The following PLEKHG6 variants were observed in gnomAD, a reference collection of about 807,000 sequenced individuals.
PLEKHG6 encodes pleckstrin homology and RhoGEF domain containing G6.
PLEKHG6 carries 91 observed loss-of-function variants against 97.5 expected under a neutral mutation model. The observed-to-expected ratio is 0.93, with a 90% CI of 0.79 to 1.11. PLEKHG6 has a LOEUF of 1.11. Ranked by LOEUF, PLEKHG6 falls within the 50% of genes most tolerant of loss-of-function variation. The probability of loss-of-function intolerance (pLI) is 0.00; values close to 1 mark genes in which losing one functional copy is unlikely to be tolerated. For missense variants in PLEKHG6, 1,044 were observed against 1,031.0 expected (o/e 1.01, Z -0.17); for synonymous variants, 466 against 425.5 (o/e 1.10, Z -1.17).
At chr12:6,325,281 G>T (rs1275065241) in intron 13 of PLEKHG6, among the ~76,000 whole-genome samples, 3 of 151,714 alleles carry the variant, frequency 2.0e-5, no homozygotes, top group Non-Finnish European at 2.9e-5. Context: ...CAAAGAGCAA[G>T]GCCCTGTCCC....
In PLEKHG6 at chr12:6,317,535, C is replaced by T. The variant is rs373569197; in HGVS notation, c.868-12C>T. 12 of 1,612,908 alleles carry T rather than the reference C, an allele frequency of 7.4e-6. No individual in the cohort carries two copies. Among genetic ancestry groups the T allele is most frequent in the Non-Finnish European group, 1.0e-5 (12 of 1,179,584 alleles). ...GGGAGCAAACCCTGAGCCCCACCCA[C>T]CTTCCCTGCAGTGGTGTGAGAAGCA... On this transcript the variant is annotated splice_polypyrimidine_tract_variant and intron_variant, in intron 8 of 15. Coordinates refer to ENST00000684764, the MANE Select transcript of PLEKHG6 (RefSeq NM_001384598.1).
rs140783794 is a variant in PLEKHG6 at position 6,312,248 on chromosome 12, C to T, written c.22C>T (p.His8Tyr). The change falls in exon 2 of 16, where the codon CAT becomes TAT. Residue 8 changes from histidine to tyrosine, a missense_variant. By Grantham distance (83) the His-to-Tyr change is moderately conservative. Transcript: ENST00000684764. ...AGGGATGAAGGCCTTTGGTCCTCCA[C>T]ATGAGGGCCCCCTCCAAGGACTCGT... is the stretch of plus-strand genomic sequence containing the variant. MKAFGPP[H>Y]EGPLQGLVAS... 833 of 1,534,064 alleles carry T rather than the reference C, an allele frequency of 5.4e-4. 5 individuals are homozygous for T. In the African/African-American group the frequency reaches 0.01, roughly 18 times the overall value.
At position 6,312,350 on chromosome 12, in the gene PLEKHG6, G is replaced by A; in HGVS notation, c.124G>A (p.Gly42Arg). The A allele has an allele frequency of 6.3e-7, 1 of 1,585,822 alleles. No individual in the cohort carries two copies. The highest frequency in any genetic ancestry group is 8.6e-7 in the Non-Finnish European group (1 of 1,168,592). ...CACTGCTGGCAGACTCTATCCCCGA[G>A]GATACCCTGTGCTGGTGAGTCCAGG... ...QSTAGRLYPR[G>R]YPVLDPSRRR... The change falls in exon 2 of 16, where the codon GGA (glycine) becomes AGA (arginine). Residue 42 changes from glycine to arginine, a missense_variant. Gly to Arg is a moderately radical substitution (Grantham distance 125). Coordinates refer to ENST00000684764, the MANE Select transcript of PLEKHG6 (RefSeq NM_001384598.1).
At position 6,327,615 on chromosome 12, in the gene PLEKHG6, G is replaced by T; in HGVS notation, c.2032G>T (p.Gly678Trp). Residue 678 changes from glycine to tryptophan, a missense_variant, in exon 15 of 16, where the codon GGG becomes TGG. Transcript: ENST00000684764. ...SEEEDGASERGNVVVETLHRA... is the reference protein window; with the variant it reads ...SEEEDGASERWNVVVETLHRA... ...GGAAGAAGATGGGGCCTCCGAGCGAGGGAATGTGGTGGTGGAAACACTCCA... is the reference window on the plus strand; with the variant it reads ...GGAAGAAGATGGGGCCTCCGAGCGATGGAATGTGGTGGTGGAAACACTCCA... 1 of 1,579,182 alleles carries T rather than the reference G, an allele frequency of 6.3e-7. No individual in the cohort carries two copies. Among genetic ancestry groups the T allele is most frequent in the East Asian group, 2.4e-5 (1 of 42,494 alleles).
rs1401941086 is a variant in PLEKHG6, at chr12:6,319,058, C to A, written c.1474C>A (p.Pro492Thr). Reference sequence around the variant, plus strand: ...CTCCAGCGCCCTCCTTGTGCACTGTCCCAGTCCTACAGACCGTGCCCAGTG... The same window carrying A: ...CTCCAGCGCCCTCCTTGTGCACTGTACCAGTCCTACAGACCGTGCCCAGTG... ...CVSSALLVHC[P>T]SPTDRAQWLE... The change falls in exon 13 of 16, where the codon CCC becomes ACC. Residue 492 changes from proline (P) to threonine (T), a missense_variant. Pro to Thr is a conservative substitution (Grantham distance 38). Coordinates refer to ENST00000684764, the MANE Select transcript of PLEKHG6 (RefSeq NM_001384598.1). 2 of 1,613,468 alleles carry A rather than the reference C, an allele frequency of 1.2e-6. No individual in the cohort carries two copies. Among genetic ancestry groups the A allele is most frequent in the South Asian group, 2.2e-5 (2 of 91,018 alleles).
chr12:6,317,721 C>T (rs1240788727), intron 9 of PLEKHG6, 25 bp downstream of exon 9: 1 of 1,611,280 alleles, frequency 6.2e-7, no homozygotes, highest in Non-Finnish European at 8.5e-7. Context: ...GGGGCTGGGA[C>T]TCTGGTGAAT....
At chr12:6,327,155 A>G in intron 14 of PLEKHG6, 99 bp from the exon 15 acceptor site, 2 of 717,086 alleles carry the variant, frequency 2.8e-6, no homozygotes, top group Non-Finnish European at 4.9e-6. Flanking sequence ...TACCAAAATA[A>G]GTTTGGAGGA....
In PLEKHG6 at chr12:6,326,511, G is replaced by GTC; in HGVS notation, c.1609_1610dup (p.Ser539ProfsTer33). The GTC allele has an allele frequency of 6.2e-7, 1 of 1,602,268 alleles. No homozygotes were observed. Among genetic ancestry groups the GTC allele is most frequent in the Non-Finnish European group, 8.5e-7 (1 of 1,175,494 alleles). On this transcript the variant is annotated frameshift_variant, in exon 14 of 16. Transcript: ENST00000684764. LOFTEE classifies it high-confidence loss of function. ...CCCTCTATCGGGACCAGGACAGGGA[G>GTC]TCCCCCAGCACCAGGCCCTCCACGC... is the stretch of plus-strand genomic sequence containing the variant.
At chr12:6,320,687 G>A (rs187259630) in intron 13 of PLEKHG6, among the ~76,000 whole-genome samples, 81 of 152,234 alleles carry the variant, frequency 5.3e-4, no homozygotes, top group Admixed American at 1.1e-3. Context: ...TCGAAATCAG[G>A]TCACATTCAC....
chr12:6,319,427 G>A (rs1407783877), intron 13 of PLEKHG6: 1 of 1,066,450 alleles, frequency 9.4e-7, no homozygotes, highest in African/African-American at 1.6e-5. Context: ...TAGCCTGGGT[G>A]ACAGAGTGAG....
Position 6,327,655 on chromosome 12 carries a change from G to C in PLEKHG6, c.2072G>C (p.Arg691Pro), listed in dbSNP as rs748850095. The C allele has an allele frequency of 6.4e-7, 1 of 1,559,036 alleles. No individual in the cohort carries two copies. The highest frequency in any genetic ancestry group is 1.2e-5 in the South Asian group (1 of 85,996). Reference sequence around the variant, plus strand: ...GAAACACTCCACAGGGCCCGGCTTCGGGGCCAGCTTCCCTCCTCCCCAACC... The same window carrying C: ...GAAACACTCCACAGGGCCCGGCTTCCGGGCCAGCTTCCCTCCTCCCCAACC... ...VVETLHRARL[R>P]GQLPSSPTHA... is the part of the protein sequence containing the mutation. Residue 691 changes from arginine (R) to proline (P), a missense_variant, in exon 15 of 16, where the codon CGG becomes CCG. Arg to Pro is a moderately radical substitution (Grantham distance 103, BLOSUM62 -2). Transcript: ENST00000684764.
rs143337827 is a variant in PLEKHG6 at position 6,327,947 on chromosome 12, G to A, written c.2363+1G>A. On this transcript the variant is annotated splice_donor_variant, in intron 15 of 15. Transcript: ENST00000684764. LOFTEE classifies it high-confidence loss of function. ...AGCTGGACACCCCTCTGTCCGCATC[G>A]TAAGTGCTGGAGGGAAGCTGGCCTG... 6.0e-6 allele frequency: 9 copies of A among 1,495,042 alleles called. No homozygotes were observed. Among genetic ancestry groups the A allele is most frequent in the Admixed American group, 2.4e-5 (1 of 42,230 alleles). 92.6% of individuals were successfully genotyped at this position (1,495,042 alleles called of 1,614,324 possible). A position where few individuals can be genotyped will look rare whatever the true frequency, so the allele number is the denominator to read the frequency against.
intron 14 of PLEKHG6, among the ~76,000 whole-genome samples, 161 bp from the exon 15 acceptor site, chr12:6,327,093 A>G (rs756455048): frequency 1.6e-4 from 25 of 152,226 alleles, no homozygotes; most frequent in Non-Finnish European, 3.5e-4. Flanking sequence ...TTAGGAGCTT[A>G]AAATCTAGCC....
chr12:6,327,768 T>G lies in PLEKHG6; in HGVS notation c.2185T>G (p.Ser729Ala), dbSNP rs757192062. ...TCTGTTCCTGAAAGCTGGCCACACA[T>G]CCCTGCGCCCAATGCGGGCTGAGGA... ...GPLFLKAGHT[S>A]LRPMRAEDML... The change falls in exon 15 of 16, where the codon TCC becomes GCC. Residue 729 changes from serine (S) to alanine (A), a missense_variant. By Grantham distance (99) the Ser-to-Ala change is moderately conservative. Transcript: ENST00000684764. 2.0e-6 allele frequency: 3 copies of G among 1,537,820 alleles called. No homozygotes were observed. The highest frequency in any genetic ancestry group is 1.7e-6 in the Non-Finnish European group (2 of 1,145,930).
At chr12:6,318,691 C>A in intron 11 of PLEKHG6, 54 bp from the exon 12 acceptor site, 1 of 1,590,056 alleles carries the variant, frequency 6.3e-7, no homozygotes, top group Non-Finnish European at 8.6e-7. Context: ...CCGGACCAGC[C>A]CTGCCCCTGG....
At chr12:6,313,813 A>G (rs1418506656) in intron 3 of PLEKHG6, 29 bp downstream of exon 3, 6 of 1,532,338 alleles carry the variant, frequency 3.9e-6, no homozygotes, top group Non-Finnish European at 5.3e-6. Flanking sequence ...TCCCATCCCC[A>G]CACATACGGC....
intron 3 of PLEKHG6, among the ~76,000 whole-genome samples, chr12:6,314,331 C>T (rs893021819): frequency 9.9e-5 from 15 of 152,082 alleles, no homozygotes; most frequent in South Asian, 2.1e-4. Flanking sequence ...GGTGAAACCC[C>T]GTCTCTGCTA....
chr12:6,327,199 C>T (rs1947888449), intron 14 of PLEKHG6, 55 bp from the exon 15 acceptor site: 1 of 1,121,944 alleles, frequency 8.9e-7, no homozygotes, highest in Non-Finnish European at 1.3e-6. Context: ...TCAAGGGAAA[C>T]TCCCTGGACT....
chr12:6,316,141 C>T lies in PLEKHG6; in HGVS notation c.607-114C>T. ...CTTCCAGGCCCAGTGCCCAGTTCAT[C>T]CTTCTTCACCCCCGCCCCTGCTGTC... On this transcript the variant is annotated intron_variant, in intron 6 of 15. Transcript: ENST00000684764. This position sits in a 1 kb window ranked among gnomAD's most constrained non-coding sequence, Gnocchi z 4.1. 1 of 1,110,300 alleles carries T rather than the reference C, an allele frequency of 9.0e-7. No homozygotes were observed. Among genetic ancestry groups the T allele is most frequent in the Non-Finnish European group, 1.3e-6 (1 of 792,274 alleles). The allele number at this position is 1,110,300 out of a possible 1,614,324, so 68.8% of individuals were successfully genotyped here. A position where few individuals can be genotyped will look rare whatever the true frequency, so the allele number is the denominator to read the frequency against.
Sources: gnomAD v4.1 joint callset for allele counts (sites outside exome capture counted in the v4.1 genomes callset) on GRCh38, gnomAD v4.1.1 for gene constraint, Gnocchi (gnomAD v3.1) non-coding constraint, MANE v1.5 for transcripts, NCBI Gene and HGNC (gene_info 2026-07-23, HGNC 2026-07-21) for gene names.